FHIT: variants seen among roughly 807,000 people sequenced by gnomAD.
The protein encoded by FHIT is bis(5'-adenosyl)-triphosphatase.
A neutral mutation model predicts 17.9 loss-of-function variants in FHIT; 19 were observed. That is an observed-to-expected ratio of 1.06 (90% confidence interval 0.74 to 1.56). The LOEUF (loss-of-function observed/expected upper bound fraction) is 1.56. Ranked by LOEUF, FHIT falls within the 40% of genes most tolerant of loss-of-function variation. The probability of loss-of-function intolerance (pLI) is 0.00; values close to 1 mark genes in which losing one functional copy is unlikely to be tolerated. For synonymous variants in FHIT, 81 were observed against 69.7 expected (o/e 1.16, Z -0.81); for missense variants, 248 against 189.2 (o/e 1.31, Z -1.82).
intron 8 of FHIT, among the ~76,000 whole-genome samples, chr3:59,762,195 C>T (rs962042319): frequency 3.9e-5 from 6 of 152,072 alleles, no homozygotes; most frequent in East Asian, 1.9e-4. Context: ...AGTGGGACGG[C>T]GTGCAATTTT....
intron 4 of FHIT, among the ~76,000 whole-genome samples, chr3:60,752,155 T>C (rs1553717007): frequency 6.6e-6 from 1 of 152,180 alleles, no homozygotes; most frequent in East Asian, 1.9e-4. Context: ...AGTCTTACTC[T>C]CTTCTTTAGT....
At chr3:61,188,725 T>C (rs2038610126) in intron 2 of FHIT, among the ~76,000 whole-genome samples, 1 of 152,076 alleles carries the variant, frequency 6.6e-6, no homozygotes, top group African/African-American at 2.4e-5. Context: ...ATCAAAAAGC[T>C]TATCCACCAT....
chr3:60,757,370 G>A (rs907394441), intron 4 of FHIT, among the ~76,000 whole-genome samples: 1 of 152,172 alleles, frequency 6.6e-6, no homozygotes, highest in African/African-American at 2.4e-5. Flanking sequence ...CAAAGCAATG[G>A]CAACAGAGAA....
chr3:61,218,133 T>G (rs536942079), intron 1 of FHIT, among the ~76,000 whole-genome samples: 1 of 152,242 alleles, frequency 6.6e-6, no homozygotes, highest in Admixed American at 6.5e-5. Context: ...AGGAAGTAAC[T>G]GCAGTTGTGA....
intron 4 of FHIT, among the ~76,000 whole-genome samples, chr3:60,588,383 G>A (rs1553662914): frequency 6.6e-6 from 1 of 151,916 alleles, no homozygotes; most frequent in African/African-American, 2.4e-5. Context: ...AGTACGGAAT[G>A]TGAAAAATGC....
chr3:60,116,171 C>A (rs182471919), intron 5 of FHIT, among the ~76,000 whole-genome samples: 1 of 152,216 alleles, frequency 6.6e-6, no homozygotes, highest in East Asian at 1.9e-4. Context: ...CAAAGACATT[C>A]CTGACATTAG....
At chr3:61,227,914 T>C (rs1343669078) in intron 1 of FHIT, among the ~76,000 whole-genome samples, 1 of 152,152 alleles carries the variant, frequency 6.6e-6, no homozygotes, top group Non-Finnish European at 1.5e-5. Flanking sequence ...GGGTTGAATT[T>C]GGCCTAAAAA....
In FHIT at chr3:60,513,711, G is replaced by C. The variant is rs370026223; in HGVS notation, c.103+23149C>G. 3.3e-5 allele frequency among the ~76,000 whole-genome samples: 5 copies of C among 152,224 alleles called. 1 individual carries two copies. The highest frequency in any genetic ancestry group is 6.5e-5 in the Admixed American group (1 of 15,290). ...CAATACACACTGGTGATATGGACAG[G>C]AAGCAGGAGGGAAGGGTCCCTGGTG... On this transcript the variant is annotated intron_variant, in intron 5 of 9. Transcript: ENST00000492590.
intron 4 of FHIT, among the ~76,000 whole-genome samples, chr3:60,554,416 A>T (rs2036674832): frequency 6.6e-6 from 1 of 152,222 alleles, no homozygotes; most frequent in African/African-American, 2.4e-5. Flanking sequence ...AATTTCTACT[A>T]TATTATAGTC....
chr3:60,758,009 T>C (rs1460822349), intron 4 of FHIT, among the ~76,000 whole-genome samples: 1 of 152,104 alleles, frequency 6.6e-6, no homozygotes, highest in Non-Finnish European at 1.5e-5. Context: ...GCTCTCTAGC[T>C]TCCAGTTAGT....
intron 5 of FHIT, among the ~76,000 whole-genome samples, chr3:60,530,863 C>T (rs2035751591): frequency 6.6e-6 from 1 of 152,138 alleles, no homozygotes; most frequent in South Asian, 2.1e-4. Context: ...TTCCCATTGT[C>T]CAGTGCTATC....
At chr3:60,631,504 T>C (rs2039442123) in intron 4 of FHIT, among the ~76,000 whole-genome samples, 1 of 152,172 alleles carries the variant, frequency 6.6e-6, no homozygotes, top group South Asian at 2.1e-4. Flanking sequence ...TATCCATTCA[T>C]TAATCTGTCA....
In FHIT at chr3:60,571,750, C is replaced by T. The variant is rs73834236; in HGVS notation, c.-17-34771G>A. 2.3e-3 allele frequency among the ~76,000 whole-genome samples: 346 copies of T among 152,176 alleles called. 3 individuals are homozygous for T. Among genetic ancestry groups the T allele is most frequent in the African/African-American group, 8.1e-3 (335 of 41,510 alleles). On this transcript the variant is annotated intron_variant, in intron 4 of 9. Transcript: ENST00000492590. ...CACAATAAGCAATACTATTAAGCAC[C>T]CTCTCTGGAAAGAGTGTTCTTTGAA... is the stretch of plus-strand genomic sequence containing the variant.
intron 5 of FHIT, among the ~76,000 whole-genome samples, chr3:60,055,472 C>T (rs1408063357): frequency 6.2e-5 from 9 of 145,864 alleles, no homozygotes; most frequent in Non-Finnish European, 9.0e-5. Context: ...TTCCAATTCT[C>T]AGATTTATTT....
chr3:60,559,832 T>A (rs552392122), intron 4 of FHIT, among the ~76,000 whole-genome samples: 41 of 152,300 alleles, frequency 2.7e-4, no homozygotes, highest in Admixed American at 6.5e-4. Flanking sequence ...TTTCTCAAAC[T>A]CCCCTTTAAC....
intron 5 of FHIT, among the ~76,000 whole-genome samples, chr3:60,103,503 G>A (rs1453065554): frequency 6.6e-6 from 1 of 152,090 alleles, no homozygotes; most frequent in Non-Finnish European, 1.5e-5. Context: ...ATCTGGCTAG[G>A]GAAAATAATT....
rs145670653 is a variant in FHIT at position 59,990,070 on chromosome 3, T to G, written c.279+21301A>C. On this transcript the variant is annotated intron_variant, in intron 7 of 9. Transcript: ENST00000492590. ...TCATACTTTATGAAGCCTTTTTGTA[T>G]CTGGTGGTAGTTTTTAAAAAGACCA... Among the ~76,000 whole-genome samples, 3 of 152,226 alleles carry G rather than the reference T, an allele frequency of 2.0e-5. No individual in the cohort carries two copies. The East Asian group carries it at 5.8e-4, about 29-fold the overall frequency.
chr3:60,374,068 A>C (rs1331842262), intron 5 of FHIT, among the ~76,000 whole-genome samples: 1 of 152,230 alleles, frequency 6.6e-6, no homozygotes, highest in African/African-American at 2.4e-5. Flanking sequence ...ACACTGGAAT[A>C]TCCTCATTTC....
intron 3 of FHIT, among the ~76,000 whole-genome samples, chr3:60,858,284 C>T (rs1703468480): frequency 6.6e-6 from 1 of 151,964 alleles, no homozygotes; most frequent in Non-Finnish European, 1.5e-5. Context: ...AAAAGAAAAA[C>T]ACACTTTTAA....
Sources: gnomAD v4.1 joint callset for allele counts (sites outside exome capture counted in the v4.1 genomes callset) on GRCh38, gnomAD v4.1.1 for gene constraint, MANE v1.5 for transcripts, NCBI Gene and HGNC (gene_info 2026-07-23, HGNC 2026-07-21) for gene names.